CCSER1: variants seen among roughly 807,000 people sequenced by gnomAD.
CCSER1 encodes coiled-coil serine rich protein 1, also known as serine-rich coiled-coil domain-containing protein 1.
CCSER1 carries 41 observed loss-of-function variants against 82.0 expected under a neutral mutation model. That is an observed-to-expected ratio of 0.50 (90% CI 0.39 to 0.65). CCSER1 has a LOEUF of 0.65. CCSER1 is among the 30% of genes least tolerant of loss of function. The pLI, the probability that CCSER1 is intolerant of heterozygous loss-of-function variation, is 0.00. For synonymous variants in CCSER1, 414 were observed against 383.9 expected (o/e 1.08, Z -0.92); for missense variants, 1,119 against 1,064.2 (o/e 1.05, Z -0.72).
intron 7 of CCSER1, among the ~76,000 whole-genome samples, chr4:90,771,452 T>A (rs1310949673): frequency 2.0e-5 from 3 of 151,190 alleles, no homozygotes. Context: ...AATTGGTAGA[T>A]ATAAATATCT....
intron 5 of CCSER1, among the ~76,000 whole-genome samples, chr4:90,478,333 A>G (rs1034399779): frequency 6.6e-6 from 1 of 152,202 alleles, no homozygotes; most frequent in Non-Finnish European, 1.5e-5. Flanking sequence ...ACAATTGCCT[A>G]TATTCTTCAT....
chr4:90,761,332 A>G (rs1180675303), intron 7 of CCSER1, among the ~76,000 whole-genome samples: 1 of 152,174 alleles, frequency 6.6e-6, no homozygotes, highest in Non-Finnish European at 1.5e-5. Flanking sequence ...TCATCTGATC[A>G]CACTGCTTGG....
At chr4:90,249,564 G>A (rs986421764) in intron 1 of CCSER1, among the ~76,000 whole-genome samples, 2 of 152,026 alleles carry the variant, frequency 1.3e-5, no homozygotes, top group Non-Finnish European at 2.9e-5. Flanking sequence ...TACTTATTCT[G>A]AACACTTCAT....
intron 8 of CCSER1, among the ~76,000 whole-genome samples, chr4:90,898,322 G>A (rs1224921646): frequency 8.7e-5 from 9 of 103,342 alleles, no homozygotes; most frequent in South Asian, 3.0e-4. Context: ...TGCTCTTGTC[G>A]CCCAGGCTGG....
At chr4:90,535,101 T>C (rs534695781) in intron 5 of CCSER1, among the ~76,000 whole-genome samples, 5 of 152,338 alleles carry the variant, frequency 3.3e-5, no homozygotes, top group East Asian at 1.9e-4. Flanking sequence ...TCTTTTTTTT[T>C]ACTTAGCTAC....
At chr4:90,810,740 A>G (rs575735203) in intron 7 of CCSER1, among the ~76,000 whole-genome samples, 2 of 152,310 alleles carry the variant, frequency 1.3e-5, no homozygotes, top group South Asian at 4.1e-4. Context: ...ATTGCATGAA[A>G]TGATGTATGG....
chr4:91,357,886 C>CT (rs1560609562), intron 10 of CCSER1, among the ~76,000 whole-genome samples: 228 of 67,558 alleles, frequency 3.4e-3, no homozygotes, highest in African/African-American at 9.7e-3. Flanking sequence ...GCCCCCCCCC[C>CT]CTTTTTTTTT....
chr4:91,170,347 A>G (rs951609523), intron 10 of CCSER1, among the ~76,000 whole-genome samples: 2 of 152,180 alleles, frequency 1.3e-5, no homozygotes, highest in African/African-American at 4.8e-5. Context: ...CTGTATACAA[A>G]TCTAATAAAA....
intron 4 of CCSER1, among the ~76,000 whole-genome samples, chr4:90,441,023 G>A (rs1759803676): frequency 1.3e-5 from 2 of 152,156 alleles, no homozygotes; most frequent in East Asian, 1.9e-4. Context: ...CACAAGGGAC[G>A]AGGGAAGACA....
At chr4:90,628,919 T>G (rs1723829888) in intron 6 of CCSER1, among the ~76,000 whole-genome samples, 1 of 152,212 alleles carries the variant, frequency 6.6e-6, no homozygotes, top group Admixed American at 6.5e-5. Context: ...TGATTATTAT[T>G]ACTTCATAGA....
chr4:90,682,625 C>T (rs1373877969), intron 6 of CCSER1, among the ~76,000 whole-genome samples: 1 of 151,950 alleles, frequency 6.6e-6, no homozygotes, highest in Non-Finnish European at 1.5e-5. Context: ...CTCATAACTC[C>T]ACTAACCAAG....
chr4:91,177,690 C>G (rs1180928885), intron 10 of CCSER1, among the ~76,000 whole-genome samples: 1 of 152,090 alleles, frequency 6.6e-6, no homozygotes, highest in Non-Finnish European at 1.5e-5. Context: ...TTTAATACAT[C>G]TATTTGATTC....
At chr4:91,469,506 A>G (rs1757143779) in intron 10 of CCSER1, among the ~76,000 whole-genome samples, 1 of 152,158 alleles carries the variant, frequency 6.6e-6, no homozygotes. Context: ...ACTAGCAAGT[A>G]GTTTTCCCCC....
intron 7 of CCSER1, among the ~76,000 whole-genome samples, chr4:90,744,536 A>G (rs972634234): frequency 2.0e-5 from 3 of 152,180 alleles, no homozygotes; most frequent in African/African-American, 7.2e-5. Context: ...ATATGCTCTA[A>G]CTAGGATGAA....
At chr4:90,457,201 C>A (rs1053753495) in intron 4 of CCSER1, among the ~76,000 whole-genome samples, 3 of 152,202 alleles carry the variant, frequency 2.0e-5, no homozygotes, top group Admixed American at 6.5e-5. Flanking sequence ...CACCAGGGAA[C>A]ACTTTGTCAC....
intron 1 of CCSER1, among the ~76,000 whole-genome samples, chr4:90,268,566 A>G (rs1725670517): frequency 6.6e-6 from 1 of 152,150 alleles, no homozygotes; most frequent in African/African-American, 2.4e-5. Flanking sequence ...ATAAAAAACA[A>G]GAACTCAAAA....
intron 5 of CCSER1, among the ~76,000 whole-genome samples, chr4:90,592,934 G>C (rs1225401469): frequency 1.3e-5 from 2 of 152,042 alleles, no homozygotes; most frequent in African/African-American, 4.8e-5. Context: ...ACATCAGGCT[G>C]GTGTGGTAAG....
intron 2 of CCSER1, among the ~76,000 whole-genome samples, chr4:90,312,618 AAGGAC>A (rs1443451576): frequency 6.6e-6 from 1 of 152,116 alleles, no homozygotes; most frequent in Non-Finnish European, 1.5e-5. Flanking sequence ...TGAAGGAAAT[AAGGAC>A]AGGATTCATT....
intron 10 of CCSER1, among the ~76,000 whole-genome samples, chr4:91,221,126 C>T (rs1038848471): frequency 1.8e-4 from 27 of 152,020 alleles, no homozygotes; most frequent in African/African-American, 5.3e-4. Context: ...TTTTACATAG[C>T]ATCATATATA....
Sources: allele counts gnomAD v4.1 joint callset (sites outside exome capture counted in the v4.1 genomes callset), GRCh38; gene constraint gnomAD v4.1.1; transcripts MANE v1.5; gene names NCBI Gene and HGNC (gene_info 2026-07-23, HGNC 2026-07-21).